Variants in DRP2 observed in about 807,000 individuals in gnomAD.
The protein encoded by DRP2 is dystrophin-related protein 2.
A neutral mutation model predicts 78.2 loss-of-function variants in DRP2; 29 were observed. The observed-to-expected ratio is 0.37, with a 90% confidence interval of 0.28 to 0.51. The LOEUF is 0.51. Ranked by LOEUF, DRP2 falls within the 20% of genes least tolerant of loss-of-function variation. DRP2 has a pLI of 0.94. For synonymous variants in DRP2, 290 were observed against 281.9 expected (o/e 1.03, Z -0.29); for missense variants, 686 against 770.6 (o/e 0.89, Z 1.30).
intron 6 of DRP2, among the ~76,000 whole-genome samples, chrX:101,240,100 C>T (rs1427664057): frequency 8.9e-6 from 1 of 112,466 alleles, no homozygotes; most frequent in African/African-American, 3.2e-5. Flanking sequence ...TTTAAAAATA[C>T]TGCTTTATTC....
intron 14 of DRP2, among the ~76,000 whole-genome samples, chrX:101,250,182 C>T (rs1569509418): frequency 9.0e-6 from 1 of 111,128 alleles, no homozygotes; most frequent in Non-Finnish European, 1.9e-5. Context: ...CTCTCTCTGT[C>T]TCCCCCTCCC....
chrX:101,252,763 A>G (rs1923184496), intron 17 of DRP2, 47 bp downstream of exon 17: 1 of 1,045,173 alleles, frequency 9.6e-7, no homozygotes, highest in Non-Finnish European at 1.3e-6. Flanking sequence ...GCTCTCAGGT[A>G]CTAGGCCTTG....
At chrX:101,226,752 T>A (rs1270256238) in intron 2 of DRP2, among the ~76,000 whole-genome samples, 1 of 111,796 alleles carries the variant, frequency 8.9e-6, no homozygotes, top group Non-Finnish European at 1.9e-5. Context: ...GCTCGAAAGC[T>A]TCTTTTCCAT....
chrX:101,245,323 C>G, intron 10 of DRP2, 65 bp from the exon 11 acceptor site: 1 of 1,059,732 alleles, frequency 9.4e-7, no homozygotes, highest in Non-Finnish European at 1.3e-6. Flanking sequence ...GAGTGGTGTG[C>G]ACATCTGAGT....
intron 5 of DRP2, 22 bp downstream of exon 5, chrX:101,237,797 C>T (rs765282130): frequency 3.6e-6 from 4 of 1,103,283 alleles, no homozygotes; most frequent in Admixed American, 5.2e-5. Context: ...TCAGAGAAGC[C>T]GTGGTGTGTA....
rs759250165 is a variant in DRP2 at position 101,252,732 on chromosome X, G to A, written c.1977+16G>A. On this transcript the variant is annotated intron_variant, in intron 17 of 23. Transcript: ENST00000395209. Reference sequence around the variant, plus strand: ...TTACACACCGGTATGAAGCCTCCAGGCTGGGTGGGAGGGTTAGGCAGCTCT... The same window carrying A: ...TTACACACCGGTATGAAGCCTCCAGACTGGGTGGGAGGGTTAGGCAGCTCT... 1.7e-6 allele frequency: 2 copies of A among 1,182,612 alleles called. No homozygotes were observed. Among genetic ancestry groups the A allele is most frequent in the Non-Finnish European group, 2.3e-6 (2 of 870,638 alleles).
chrX:101,245,050 C>T lies in DRP2; in HGVS notation c.1088C>T (p.Ser363Leu). 8.3e-7 allele frequency: 1 copy of T among 1,208,749 alleles called. No homozygotes were observed. Residue 363 changes from serine to leucine, a missense_variant, in exon 10 of 24, where the codon TCA becomes TTA. Transcript: ENST00000395209. Reference sequence around the variant, plus strand: ...CAGGTTCCCTGGGAAAGAGCAATTTCACCCAATAAAGTTCCCTACTACATC... The same window carrying T: ...CAGGTTCCCTGGGAAAGAGCAATTTTACCCAATAAAGTTCCCTACTACATC... The part of the protein sequence containing the change: ...SVQVPWERAI[S>L]PNKVPYYINH...
At position 101,241,648 on chromosome X, in the gene DRP2, C is replaced by T; in HGVS notation, c.560-20C>T. Reference sequence around the variant, plus strand: ...ACCCTGCCTGGTTGGCCTAACCTGGCTTCCTGCCTCCTCTTGCAGATACCT... The same window carrying T: ...ACCCTGCCTGGTTGGCCTAACCTGGTTTCCTGCCTCCTCTTGCAGATACCT... On this transcript the variant is annotated intron_variant, in intron 6 of 23. Transcript: ENST00000395209. 1 of 1,207,821 alleles carries T rather than the reference C, an allele frequency of 8.3e-7. No homozygotes were observed. The highest frequency in any genetic ancestry group is 1.1e-6 in the Non-Finnish European group (1 of 892,749).
intron 8 of DRP2, 88 bp from the exon 9 acceptor site, chrX:101,242,816 A>C (rs1922780853): frequency 1.1e-6 from 1 of 879,218 alleles, no homozygotes. Context: ...GTCCCTGAGG[A>C]AGCTCATAAA....
At chrX:101,228,513 C>T (rs1168888155) in intron 2 of DRP2, among the ~76,000 whole-genome samples, 1 of 111,736 alleles carries the variant, frequency 8.9e-6, no homozygotes, top group African/African-American at 3.3e-5. Context: ...TCCTGGACCA[C>T]ACTGCTAATA....
In DRP2 at chrX:101,231,755, C is replaced by T. The variant is rs774659178; in HGVS notation, c.108C>T (p.Pro36=). Residue 36 remains proline, a synonymous_variant, in exon 3 of 24, where the codon CCC becomes CCT. Transcript: ENST00000395209. ...HHSSSLRSTC[P]HPQVRAAVTS... ...GCAGCAGCCTCCGAAGCACCTGCCC[C>T]CACCCTCAGGTAAGAGTCTGATAGT... is the stretch of plus-strand genomic sequence containing the variant. The T allele has an allele frequency of 8.3e-7, 1 of 1,205,644 alleles. No homozygotes were observed. The highest frequency in any genetic ancestry group is 1.1e-6 in the Non-Finnish European group (1 of 891,045).
At position 101,250,671 on chromosome X, in the gene DRP2, C is replaced by G. The variant is rs1923103330; in HGVS notation, c.1698+91C>G. The G allele has an allele frequency of 8.3e-6, 9 of 1,080,062 alleles. 1 individual carries two copies. The South Asian group carries it at 2.0e-4, about 24-fold the overall frequency. 89.0% of individuals were successfully genotyped at this position (1,080,062 alleles called of 1,213,427 possible). Reference sequence around the variant, plus strand: ...GAGGACTACGAGCTAGGCTTTTGATCTGAAGTACGCAGATGCAAGGGAGTT... The same window carrying G: ...GAGGACTACGAGCTAGGCTTTTGATGTGAAGTACGCAGATGCAAGGGAGTT... On this transcript the variant is annotated intron_variant, in intron 15 of 23. Coordinates refer to ENST00000395209, the MANE Select transcript of DRP2 (RefSeq NM_001939.3).
rs774346284 is a variant in DRP2 at position 101,224,833 on chromosome X, A to G, written c.-64+127A>G. On this transcript the variant is annotated intron_variant, in intron 2 of 23. Coordinates refer to ENST00000395209, the MANE Select transcript of DRP2 (RefSeq NM_001939.3). ...GCCAGAGCATCCTGGTTCAGAGCCT[A>G]TGTCCCAGACAATAATGCTGTGATA... is the stretch of plus-strand genomic sequence containing the variant. 9.8e-5 allele frequency: 11 copies of G among 112,621 alleles called. No homozygotes were observed. In the East Asian group the frequency reaches 3.1e-3, roughly 32 times the overall value. The allele number at this position is 112,621 out of a possible 1,213,427, so 9.3% of individuals were successfully genotyped here.
chrX:101,259,568 A>C (rs1923470013), intron 22 of DRP2, among the ~76,000 whole-genome samples: 1 of 111,646 alleles, frequency 9.0e-6, no homozygotes, highest in South Asian at 3.8e-4. Flanking sequence ...GCTCGATCTC[A>C]GCTCACTGCA....
intron 22 of DRP2, among the ~76,000 whole-genome samples, chrX:101,259,273 A>G (rs1045189117): frequency 1.8e-5 from 2 of 111,564 alleles, no homozygotes; most frequent in Admixed American, 9.6e-5. Flanking sequence ...TATTATTGTC[A>G]TTATATGTAA....
chrX:101,222,097 T>C (rs1442076013), intron 1 of DRP2, among the ~76,000 whole-genome samples: 1 of 111,325 alleles, frequency 9.0e-6, no homozygotes, highest in East Asian at 2.8e-4. Context: ...TATTCTGCAG[T>C]TCAATACTTT....
chrX:101,245,340 G>T (rs1440767112), intron 10 of DRP2, 48 bp from the exon 11 acceptor site: 1 of 1,102,543 alleles, frequency 9.1e-7, no homozygotes, highest in Non-Finnish European at 1.2e-6. Context: ...GAGTGTGGGG[G>T]TGGGTGGGTG....
Position 101,250,909 on chromosome X carries a change from T to G in DRP2, c.1699-8T>G. The G allele has an allele frequency of 8.3e-7, 1 of 1,209,514 alleles. No homozygotes were observed. The highest frequency in any genetic ancestry group is 1.1e-6 in the Non-Finnish European group (1 of 894,659). On this transcript the variant is annotated splice_polypyrimidine_tract_variant and splice_region_variant and intron_variant, in intron 15 of 23. Transcript: ENST00000395209. The stretch of plus-strand genomic sequence containing the variant: ...CAGTCATTCCCATTGGTCTTCTTGT[T>G]TCCGTAGAGCACCGGGAAGCCAGTC...
intron 15 of DRP2, 100 bp downstream of exon 15, chrX:101,250,680 G>A (rs779797803): frequency 1.6e-4 from 165 of 1,046,494 alleles, no homozygotes; most frequent in Non-Finnish European, 2.0e-4. Flanking sequence ...TCTGAAGTAC[G>A]CAGATGCAAG....
Sources: allele counts gnomAD v4.1 joint callset (sites outside exome capture counted in the v4.1 genomes callset), GRCh38; gene constraint gnomAD v4.1.1; transcripts MANE v1.5; gene names NCBI Gene and HGNC (gene_info 2026-07-23, HGNC 2026-07-21).